The following HYAL4 variants were observed in gnomAD, a reference collection of about 807,000 sequenced individuals.
The protein encoded by HYAL4 is hyaluronidase-4.
Under a neutral mutation model 35.2 loss-of-function variants are expected in HYAL4, and 37 were observed. The ratio of observed to expected loss-of-function variants is 1.05; its 90% CI spans 0.81 to 1.38. The LOEUF (loss-of-function observed/expected upper bound fraction) is 1.38. HYAL4 is among the 40% of genes most tolerant of loss of function. The pLI is 0.00. For synonymous variants in HYAL4, 198 were observed against 203.2 expected, an observed-to-expected ratio of 0.97 and a Z score of 0.22; for missense variants, 572 against 572.4, an observed-to-expected ratio of 1.00 and a Z score of 0.01.
At chr7:123,863,328 G>GAA (rs1322210968) in intron 2 of HYAL4, among the ~76,000 whole-genome samples, 1 of 148,588 alleles carries the variant, frequency 6.7e-6, no homozygotes, top group East Asian at 1.9e-4. Context: ...AACACTAAGT[G>GAA]CCTCTGCCTT....
At chr7:123,845,939 A>G (rs1358196969) in intron 1 of HYAL4, among the ~76,000 whole-genome samples, 1 of 152,138 alleles carries the variant, frequency 6.6e-6, no homozygotes, top group Non-Finnish European at 1.5e-5. Flanking sequence ...CTAGCCACCT[A>G]GCTGGTCTGC....
chr7:123,842,434 G>T (rs1202524002), upstream of HYAL4, among the ~76,000 whole-genome samples: 2 of 151,970 alleles, frequency 1.3e-5, no homozygotes, highest in Non-Finnish European at 2.9e-5. Context: ...GTCAATTTTA[G>T]AATAAGTGCG....
At chr7:123,775,982 A>T in the HYAL4 span, among the ~76,000 whole-genome samples, 1 of 152,236 alleles carries the variant, frequency 6.6e-6, no homozygotes, top group Admixed American at 6.5e-5. Flanking sequence ...GAATTGGATT[A>T]GAGAAGATTT....
the HYAL4 span, among the ~76,000 whole-genome samples, chr7:123,812,174 G>T: frequency 6.6e-6 from 1 of 152,032 alleles, no homozygotes; most frequent in Non-Finnish European, 1.5e-5. Flanking sequence ...GTGGAATTAT[G>T]TTGCTTTCCC....
the HYAL4 span, among the ~76,000 whole-genome samples, chr7:123,820,163 G>T: frequency 6.6e-6 from 1 of 152,070 alleles, no homozygotes; most frequent in East Asian, 1.9e-4. Flanking sequence ...AAAGTGCTGG[G>T]ATTACAGGCA....
chr7:123,788,725 T>A, the HYAL4 span, among the ~76,000 whole-genome samples: 3 of 152,224 alleles, frequency 2.0e-5, no homozygotes, highest in East Asian at 3.8e-4. Context: ...TAGCAGTTAG[T>A]TTATATCACT....
intron 1 of HYAL4, among the ~76,000 whole-genome samples, chr7:123,835,835 C>G (rs557096203): frequency 7.6e-4 from 116 of 152,196 alleles, no homozygotes; most frequent in African/African-American, 2.7e-3. Context: ...CACTGTTGAC[C>G]CAATGATCAT....
chr7:123,814,228 G>T, the HYAL4 span: 1 of 152,600 alleles, frequency 6.6e-6, no homozygotes, highest in Non-Finnish European at 1.5e-5. Context: ...TGCCTCCGGT[G>T]ATCAAGAGCC....
chr7:123,777,078 C>A, the HYAL4 span, among the ~76,000 whole-genome samples: 24 of 152,216 alleles, frequency 1.6e-4, no homozygotes, highest in Non-Finnish European at 2.8e-4. Context: ...TTAATAAAAA[C>A]TCCTTGGCAC....
chr7:123,850,610 G>A (rs879162411), intron 2 of HYAL4, among the ~76,000 whole-genome samples: 2 of 152,150 alleles, frequency 1.3e-5, no homozygotes, highest in South Asian at 2.1e-4. Context: ...TTCACAGACC[G>A]AAGTCTCTTT....
At chr7:123,857,008 G>A (rs1676649163) in intron 2 of HYAL4, among the ~76,000 whole-genome samples, 2 of 152,144 alleles carry the variant, frequency 1.3e-5, no homozygotes, top group Non-Finnish European at 2.9e-5. Flanking sequence ...GCCTACTCAA[G>A]CCTGGGTAAT....
chr7:123,794,181 T>C, the HYAL4 span, among the ~76,000 whole-genome samples: 2 of 152,188 alleles, frequency 1.3e-5, no homozygotes, highest in African/African-American at 4.8e-5. Flanking sequence ...TGTGGAACTT[T>C]GAACTTGAGA....
intron 4 of HYAL4, 80 bp downstream of exon 4, chr7:123,874,930 C>T (rs1806974226): frequency 2.6e-6 from 2 of 778,610 alleles, no homozygotes; most frequent in African/African-American, 3.4e-5. Flanking sequence ...TTAATGACCT[C>T]CATAGCAAAC....
At position 123,871,818 on chromosome 7, in the gene HYAL4, C is replaced by T. The variant is rs1030907120; in HGVS notation, c.954+2591C>T. On this transcript the variant is annotated intron_variant, in intron 3 of 4. Transcript: ENST00000223026. ...TGTGATATGGCTATTACTTTTTTAA[C>T]AGCCATCAAAGCCTTAAACTTAAAC... Among the ~76,000 whole-genome samples the T allele has an allele frequency of 2.0e-5, 3 of 152,074 alleles. No individual in the cohort carries two copies. The South Asian group carries it at 6.2e-4, about 32-fold the overall frequency.
At chr7:123,781,524 C>T in the HYAL4 span, among the ~76,000 whole-genome samples, 1 of 150,006 alleles carries the variant, frequency 6.7e-6, no homozygotes, top group Admixed American at 6.7e-5. Context: ...TACTTTGTCT[C>T]TGTGTCTTTT....
At chr7:123,798,928 T>C in the HYAL4 span, among the ~76,000 whole-genome samples, 1 of 152,148 alleles carries the variant, frequency 6.6e-6, no homozygotes, top group Non-Finnish European at 1.5e-5. Context: ...GAAGTAACTG[T>C]GATCAGATTA....
chr7:123,841,203 G>T (rs551414263), upstream of HYAL4, among the ~76,000 whole-genome samples: 5 of 151,992 alleles, frequency 3.3e-5, no homozygotes, highest in Admixed American at 2.0e-4. Context: ...ATGAAGGGCT[G>T]TTGAATTTTG....
At chr7:123,820,791 A>T in the HYAL4 span, among the ~76,000 whole-genome samples, 1 of 152,144 alleles carries the variant, frequency 6.6e-6, no homozygotes, top group Non-Finnish European at 1.5e-5. Flanking sequence ...TACAACCTTT[A>T]AATAACAATT....
intron 2 of HYAL4, among the ~76,000 whole-genome samples, chr7:123,866,686 A>G (rs1323104253): frequency 6.6e-6 from 1 of 152,166 alleles, no homozygotes; most frequent in Non-Finnish European, 1.5e-5. Context: ...ATAATTTCAT[A>G]GTAGTTTTAC....
Sources: gnomAD v4.1 joint callset for allele counts (sites outside exome capture counted in the v4.1 genomes callset) on GRCh38, gnomAD v4.1.1 for gene constraint, MANE v1.5 for transcripts, NCBI Gene and HGNC (gene_info 2026-07-23, HGNC 2026-07-21) for gene names.